The following MPP7 variants were observed in gnomAD, a reference collection of about 807,000 sequenced individuals.
MPP7 encodes the protein MAGUK p55 subfamily member 7.
Under a neutral mutation model 76.5 loss-of-function variants are expected in MPP7, and 60 were observed. That is an observed-to-expected ratio of 0.78 (90% CI 0.64 to 0.97). The LOEUF (loss-of-function observed/expected upper bound fraction) is 0.97. MPP7 is among the 50% of genes least tolerant of loss of function. The pLI is 0.00. For synonymous variants in MPP7, 237 were observed against 244.5 expected (o/e 0.97, Z 0.29); for missense variants, 641 against 694.0 (o/e 0.92, Z 0.86).
At chr10:28,090,260 C>T (rs1486894394) in intron 11 of MPP7, among the ~76,000 whole-genome samples, 2 of 151,992 alleles carry the variant, frequency 1.3e-5, no homozygotes, top group Non-Finnish European at 1.5e-5. Context: ...TGTGCCTGGC[C>T]TATTCATCAT....
intron 5 of MPP7, among the ~76,000 whole-genome samples, chr10:28,141,610 A>G (rs981249850): frequency 4.6e-5 from 7 of 150,746 alleles, no homozygotes; most frequent in African/African-American, 1.5e-4. Context: ...AGATGTGTGT[A>G]TACATATAAA....
intron 1 of MPP7, among the ~76,000 whole-genome samples, chr10:28,288,661 T>C (rs1173070165): frequency 1.3e-5 from 2 of 152,170 alleles, no homozygotes; most frequent in Non-Finnish European, 1.5e-5. Flanking sequence ...CCTTAATAAT[T>C]GTTAAGAGCG....
chr10:28,326,002 TA>T (rs1834410810), intron 2 of MPP7, among the ~76,000 whole-genome samples: 1 of 150,196 alleles, frequency 6.7e-6, no homozygotes, highest in Non-Finnish European at 1.5e-5. Context: ...AAAAATTCCT[TA>T]AAGAGAAAAA....
intron 5 of MPP7, among the ~76,000 whole-genome samples, chr10:28,134,559 T>C (rs1323231490): frequency 6.6e-6 from 1 of 152,124 alleles, no homozygotes; most frequent in African/African-American, 2.4e-5. Flanking sequence ...GCTTTTTGTA[T>C]CCAACAAGAG....
Position 28,054,209 on chromosome 10 carries a change from C to A in MPP7, c.1587G>T (p.Gln529His). ...EDFQEMIKSAQIMESQYGHLF... is the reference protein window; with the variant it reads ...EDFQEMIKSAHIMESQYGHLF... The stretch of plus-strand genomic sequence containing the variant: ...GATGACCATATTGACTTTCCATTAT[C>A]TGTGCAGATTTAATCATTTCTTGAA... Residue 529 changes from glutamine (Q) to histidine (H), a missense_variant, in exon 17 of 17, where the codon CAG becomes CAT. Transcript: ENST00000683449. 6.3e-7 allele frequency: 1 copy of A among 1,595,454 alleles called. No individual in the cohort carries two copies. Among genetic ancestry groups the A allele is most frequent in the Non-Finnish European group, 8.6e-7 (1 of 1,167,388 alleles).
chr10:28,149,022 T>C (rs914239730), intron 4 of MPP7, among the ~76,000 whole-genome samples: 12 of 152,212 alleles, frequency 7.9e-5, no homozygotes, highest in Admixed American at 4.6e-4. Flanking sequence ...GTAATCTTTG[T>C]AGATAAAAAC....
chr10:28,270,468 T>C (rs1024700899), intron 1 of MPP7, among the ~76,000 whole-genome samples: 1 of 141,464 alleles, frequency 7.1e-6, no homozygotes, highest in Non-Finnish European at 1.5e-5. Context: ...GGAGGATCAC[T>C]TGAGCGCAGG....
upstream of MPP7, among the ~76,000 whole-genome samples, chr10:28,303,097 G>A (rs993076174): frequency 1.3e-5 from 2 of 152,198 alleles, no homozygotes; most frequent in South Asian, 2.1e-4. Flanking sequence ...CGGGACCGCG[G>A]TTGGAGGGGC....
rs1012293084 is a variant in MPP7 at position 28,166,385 on chromosome 10, A to G, written c.157-16326T>C. 5.6e-5 allele frequency among the ~76,000 whole-genome samples: 7 copies of G among 125,900 alleles called. No homozygotes were observed. In the South Asian group the frequency reaches 1.9e-3, roughly 34 times the overall value. The allele number at this position is 125,900 out of a possible 152,430, so 82.6% of individuals were successfully genotyped here. ...CCAAGAAATAACCATTACCCAGATTATTTTTTACCTTTTAATTTTTTTTTT... is the reference window on the plus strand; with the variant it reads ...CCAAGAAATAACCATTACCCAGATTGTTTTTTACCTTTTAATTTTTTTTTT... On this transcript the variant is annotated intron_variant, in intron 3 of 16. Coordinates refer to ENST00000683449, the MANE Select transcript of MPP7 (RefSeq NM_001318170.2).
At chr10:28,109,649 G>A (rs192008073) in intron 11 of MPP7, among the ~76,000 whole-genome samples, 50 of 151,718 alleles carry the variant, frequency 3.3e-4, no homozygotes, top group Admixed American at 1.9e-3. Context: ...GTGCAAATGC[G>A]CTCATTTCAG....
At chr10:28,234,808 T>C (rs1839014750) in intron 2 of MPP7, among the ~76,000 whole-genome samples, 1 of 152,026 alleles carries the variant, frequency 6.6e-6, no homozygotes, top group Admixed American at 6.6e-5. Flanking sequence ...TTTTGTTTTG[T>C]TTTGTTGTTT....
At chr10:28,240,484 TTA>T (rs1839231543) in intron 1 of MPP7, among the ~76,000 whole-genome samples, 1 of 152,192 alleles carries the variant, frequency 6.6e-6, no homozygotes, top group Admixed American at 6.5e-5. Context: ...GAATTTTCCT[TTA>T]TGTTATTGCA....
At position 28,053,860 on chromosome 10, in the gene MPP7, T is replaced by C. The variant is rs1467785924; in HGVS notation, c.*205A>G. The C allele has an allele frequency of 5.1e-6, 3 of 592,752 alleles. No homozygotes were observed. The highest frequency in any genetic ancestry group is 8.9e-6 in the Non-Finnish European group (3 of 337,410). 36.7% of individuals were successfully genotyped at this position (592,752 alleles called of 1,614,324 possible). ...TGAGGTTTTGCTTAGAATACAGTAC[T>C]GTGCATATTTTGATTTCGGATCTTA... On this transcript the variant is annotated 3_prime_UTR_variant, in exon 17 of 17. Transcript: ENST00000683449.
chr10:28,244,791 T>A (rs964688681), intron 1 of MPP7, among the ~76,000 whole-genome samples: 1 of 152,106 alleles, frequency 6.6e-6, no homozygotes, highest in Non-Finnish European at 1.5e-5. Context: ...GGAAGGAGTA[T>A]TAACCACAAG....
At chr10:28,317,190 T>C (rs977573577) in intron 2 of MPP7, among the ~76,000 whole-genome samples, 1 of 152,168 alleles carries the variant, frequency 6.6e-6, no homozygotes, top group Non-Finnish European at 1.5e-5. Context: ...GCTTCTATGC[T>C]AATCCCAGAA....
chr10:28,264,181 C>G (rs765031725), intron 1 of MPP7, among the ~76,000 whole-genome samples: 31 of 152,028 alleles, frequency 2.0e-4, no homozygotes, highest in Non-Finnish European at 4.6e-4. Context: ...CACCTGCAGT[C>G]CCAGCTACTT....
At chr10:28,291,624 T>C (rs1414082409) in intron 1 of MPP7, among the ~76,000 whole-genome samples, 1 of 151,726 alleles carries the variant, frequency 6.6e-6, no homozygotes, top group African/African-American at 2.4e-5. Flanking sequence ...AAAAAAAAAA[T>C]TAAATAAAGA....
intron 1 of MPP7, among the ~76,000 whole-genome samples, chr10:28,298,969 G>A (rs12257261): frequency 0.048 from 7,265 of 152,166 alleles, 574 homozygotes; most frequent in African/African-American, 0.16. Context: ...AGCCTTCATC[G>A]AATTGAAGAG....
intron 3 of MPP7, among the ~76,000 whole-genome samples, chr10:28,183,070 C>T (rs60578320): frequency 0.014 from 2,114 of 152,224 alleles, 35 homozygotes; most frequent in African/African-American, 0.047. Context: ...AAGAGCGAAA[C>T]GCCATCTCAA....
Sources: allele counts gnomAD v4.1 joint callset (sites outside exome capture counted in the v4.1 genomes callset), GRCh38; gene constraint gnomAD v4.1.1; transcripts MANE v1.5; gene names NCBI Gene and HGNC (gene_info 2026-07-23, HGNC 2026-07-21).